The following ZPBP variants were observed in gnomAD, a reference collection of about 807,000 sequenced individuals.
ZPBP encodes the protein zona pellucida-binding protein 1.
A neutral mutation model predicts 44.8 loss-of-function variants in ZPBP; 26 were observed. The observed-to-expected ratio is 0.58, with a 90% CI of 0.43 to 0.81. ZPBP has a LOEUF of 0.81. Ranked by LOEUF, ZPBP falls within the 30% of genes least tolerant of loss-of-function variation. ZPBP has a pLI of 0.00. For synonymous variants in ZPBP, 174 were observed against 153.2 expected (o/e 1.14, Z -1.00); for missense variants, 409 against 434.0 (o/e 0.94, Z 0.51).
intron 1 of ZPBP, 119 bp downstream of exon 1, chr7:50,092,949 T>C: frequency 7.2e-7 from 1 of 1,390,644 alleles, no homozygotes. Context: ...TTGTCACGTA[T>C]TAGTGAGCAA....
the ZPBP span, among the ~76,000 whole-genome samples, chr7:49,845,313 T>A: frequency 1.3e-5 from 2 of 152,108 alleles, no homozygotes; most frequent in Non-Finnish European, 2.9e-5. Context: ...AGGTGATAGA[T>A]GATTTAAATA....
intron 1 of ZPBP, chr7:49,913,460 T>C (rs1793561137): frequency 6.6e-6 from 1 of 152,130 alleles, no homozygotes; most frequent in African/African-American, 2.4e-5. Context: ...AGGTGTAGGA[T>C]AAAAAAAGCA....
intron 7 of ZPBP, among the ~76,000 whole-genome samples, chr7:49,976,822 G>A (rs1583955152): frequency 6.6e-6 from 1 of 151,940 alleles, no homozygotes; most frequent in African/African-American, 2.4e-5. Context: ...TAAACGTATC[G>A]GCCGGCGCAG....
At chr7:49,969,230 T>C (rs1796183832) in intron 7 of ZPBP, among the ~76,000 whole-genome samples, 1 of 149,378 alleles carries the variant, frequency 6.7e-6, no homozygotes, top group Non-Finnish European at 1.5e-5. Context: ...AATATTTTTA[T>C]AGCCAATATA....
chr7:50,030,916 A>G (rs1799577647), intron 5 of ZPBP, among the ~76,000 whole-genome samples, 176 bp downstream of exon 5: 2 of 152,236 alleles, frequency 1.3e-5, no homozygotes, highest in South Asian at 4.1e-4. Flanking sequence ...TAGTACACGA[A>G]TCAGCAGAAT....
At chr7:50,034,408 A>C (rs11773433) in intron 4 of ZPBP, among the ~76,000 whole-genome samples, 37,957 of 151,992 alleles carry the variant, frequency 0.25, 5,860 homozygotes, top group Non-Finnish European at 0.36. Context: ...TATGTACAGA[A>C]AGTTCAGTGG....
chr7:50,078,160 T>A (rs995309757), intron 3 of ZPBP, among the ~76,000 whole-genome samples: 1 of 151,738 alleles, frequency 6.6e-6, no homozygotes, highest in Non-Finnish European at 1.5e-5. Context: ...ACATTGCATG[T>A]TCTCACTTGT....
At chr7:49,893,449 T>C (rs1322145065) in intron 2 of ZPBP, among the ~76,000 whole-genome samples, 1 of 152,234 alleles carries the variant, frequency 6.6e-6, no homozygotes, top group Admixed American at 6.5e-5. Flanking sequence ...AATTTGATTT[T>C]TTTCGTGCTT....
chr7:50,057,435 C>A (rs114856640), intron 4 of ZPBP, among the ~76,000 whole-genome samples: 1 of 152,066 alleles, frequency 6.6e-6, no homozygotes, highest in Admixed American at 6.5e-5. Flanking sequence ...GTGCCTCTGA[C>A]CTAACTCGGC....
intron 4 of ZPBP, among the ~76,000 whole-genome samples, chr7:50,036,956 C>CA (rs555064476): frequency 2.6e-5 from 4 of 151,532 alleles, no homozygotes; most frequent in Admixed American, 6.6e-5. Flanking sequence ...AAGAAAACAT[C>CA]AAAAAATGTA....
chr7:49,988,783 G>A (rs1797433626), intron 6 of ZPBP, among the ~76,000 whole-genome samples: 1 of 152,088 alleles, frequency 6.6e-6, no homozygotes, highest in African/African-American at 2.4e-5. Flanking sequence ...CAGGACTCAG[G>A]AAGAGTTGAA....
At chr7:49,936,566 G>C (rs544336872), downstream of ZPBP, among the ~76,000 whole-genome samples, 13 of 152,216 alleles carry the variant, frequency 8.5e-5, no homozygotes, top group African/African-American at 3.1e-4. Flanking sequence ...TCTTAAGAGA[G>C]GAAATATGAA....
intron 2 of ZPBP, among the ~76,000 whole-genome samples, chr7:49,877,485 T>C (rs369251389): frequency 1.3e-4 from 2 of 14,924 alleles, no homozygotes; most frequent in Non-Finnish European, 2.4e-4. Context: ...AAAAAAAATA[T>C]ATATATATAT....
At chr7:50,011,093 A>C (rs541225596) in intron 6 of ZPBP, among the ~76,000 whole-genome samples, 1 of 152,204 alleles carries the variant, frequency 6.6e-6, no homozygotes, top group East Asian at 1.9e-4. Flanking sequence ...CAACAAGGTA[A>C]ACCAAAACAT....
intron 7 of ZPBP, among the ~76,000 whole-genome samples, chr7:49,940,232 C>T (rs1794814708): frequency 6.6e-6 from 1 of 152,048 alleles, no homozygotes. Context: ...TTCCTTTTGG[C>T]CTTTGCAGAT....
intron 7 of ZPBP, among the ~76,000 whole-genome samples, chr7:49,945,269 C>T (rs1842906): frequency 0.014 from 2,196 of 152,110 alleles, 62 homozygotes; most frequent in African/African-American, 0.05. Flanking sequence ...TAACATATGG[C>T]CTATCTTTGA....
chr7:49,846,350 T>C (rs978756727), downstream of ZPBP, among the ~76,000 whole-genome samples: 5 of 152,232 alleles, frequency 3.3e-5, no homozygotes, highest in Non-Finnish European at 7.3e-5. Context: ...TTCTGTGATC[T>C]GGTCTCTTAA....
In ZPBP at chr7:50,089,714, C is replaced by G. The variant is rs770485112; in HGVS notation, c.128-5G>C. On this transcript the variant is annotated splice_region_variant and splice_polypyrimidine_tract_variant and intron_variant, in intron 1 of 7. Coordinates refer to ENST00000046087, the MANE Select transcript of ZPBP (RefSeq NM_007009.3). Reference sequence around the variant, plus strand: ...GTAATCGAACCAAGTGTCCAACTATCAAAAAAAAAGATCAACAATTTGTCT... The same window carrying G: ...GTAATCGAACCAAGTGTCCAACTATGAAAAAAAAAGATCAACAATTTGTCT... The G allele has an allele frequency of 6.3e-7, 1 of 1,584,488 alleles. No individual in the cohort carries two copies. The highest frequency in any genetic ancestry group is 8.6e-7 in the Non-Finnish European group (1 of 1,159,846).
rs1298804023 is a variant in ZPBP, at chr7:49,892,042, T to G, written n.509+9076A>C. ...AACAGACAAAGTAGATTTTTTTTTT[T>G]TTTTTTTTTTTTTTTTTTTTGAGAC... On this transcript the variant is annotated intron_variant and non_coding_transcript_variant, in intron 2 of 2. Transcript: ENST00000465922. Among the ~76,000 whole-genome samples, 33 of 124,278 alleles carry G rather than the reference T, an allele frequency of 2.7e-4. 1 individual carries two copies. The highest frequency in any genetic ancestry group is 1.0e-3 in the African/African-American group (33 of 32,908). 81.5% of individuals were successfully genotyped at this position (124,278 alleles called of 152,430 possible).
Sources: allele counts gnomAD v4.1 joint callset (sites outside exome capture counted in the v4.1 genomes callset), GRCh38; gene constraint gnomAD v4.1.1; transcripts MANE v1.5; gene names NCBI Gene and HGNC (gene_info 2026-07-23, HGNC 2026-07-21).